SLC9A2: variants seen among roughly 807,000 people sequenced by gnomAD.
The protein encoded by SLC9A2 is solute carrier family 9 member A2.
Under a neutral mutation model 71.7 loss-of-function variants are expected in SLC9A2, and 42 were observed. The observed-to-expected ratio is 0.59, with a 90% confidence interval of 0.46 to 0.76. The LOEUF (loss-of-function observed/expected upper bound fraction) is 0.76. SLC9A2 is among the 30% of genes least tolerant of loss of function. The pLI is 0.00. For missense variants in SLC9A2, 829 were observed against 1,017.4 expected, an observed-to-expected ratio of 0.81 and a Z score of 2.52; for synonymous variants, 396 against 392.5, an observed-to-expected ratio of 1.01 and a Z score of -0.10.
Position 102,694,503 on chromosome 2 carries a change from G to A in SLC9A2, c.1515G>A (p.Arg505=). The A allele has an allele frequency of 1.3e-6, 2 of 1,499,088 alleles. No individual in the cohort carries two copies. The highest frequency in any genetic ancestry group is 1.8e-6 in the Non-Finnish European group (2 of 1,096,576). The allele number at this position is 1,499,088 out of a possible 1,614,324, so 92.9% of individuals were successfully genotyped here. The part of the protein sequence containing the change: ...QQAVSEEIYC[R]LFDHVKTGIE... ...CTGTCAGTGAAGAAATCTATTGTCG[G>A]GTAGGTGTTAAGAGAGTGTAATAAT... Residue 505 remains arginine, a splice_region_variant and synonymous_variant, in exon 6 of 12, where the codon CGG becomes CGA. Transcript: ENST00000233969.
At chr2:102,694,713 A>G (rs1469427567) in intron 6 of SLC9A2, among the ~76,000 whole-genome samples, 1 of 152,190 alleles carries the variant, frequency 6.6e-6, no homozygotes, top group Non-Finnish European at 1.5e-5. Flanking sequence ...AAACTCCTGC[A>G]TGAGTAGAGA....
chr2:102,670,020 A>T lies in SLC9A2; in HGVS notation c.1004+4670A>T, dbSNP rs201670949. 3.3e-5 allele frequency among the ~76,000 whole-genome samples: 4 copies of T among 122,406 alleles called. No individual in the cohort carries two copies. In the South Asian group the frequency reaches 1.2e-3, roughly 36 times the overall value. The allele number at this position is 122,406 out of a possible 152,430, so 80.3% of individuals were successfully genotyped here. On this transcript the variant is annotated intron_variant, in intron 3 of 11. Transcript: ENST00000233969. ...AGAGTAAGTGCCCAATATTTTTTTT[A>T]TTTTTTTATTTTTATTTTTTATTTT...
intron 1 of SLC9A2, among the ~76,000 whole-genome samples, chr2:102,624,056 A>T (rs1417917571): frequency 2.0e-5 from 3 of 152,162 alleles, no homozygotes; most frequent in Non-Finnish European, 4.4e-5. Context: ...GAAAATCAAC[A>T]TCCTAATTAC....
In SLC9A2 at chr2:102,710,835, C is replaced by T. The variant is rs771275587; in HGVS notation, c.*2346C>T. On this transcript the variant is annotated 3_prime_UTR_variant, in exon 12 of 12. Coordinates refer to ENST00000233969, the MANE Select transcript of SLC9A2 (RefSeq NM_003048.6). The stretch of plus-strand genomic sequence containing the variant: ...TTCGTTCGTCCAAACAACACTTGAT[C>T]CAACCAAAGTTCCAATGTGACTGTG... 1.3e-5 allele frequency: 2 copies of T among 152,312 alleles called. No homozygotes were observed. Among genetic ancestry groups the T allele is most frequent in the Non-Finnish European group, 2.9e-5 (2 of 68,040 alleles). 9.4% of individuals were successfully genotyped at this position (152,312 alleles called of 1,614,324 possible).
At chr2:102,668,201 C>T (rs1363501867) in intron 3 of SLC9A2, among the ~76,000 whole-genome samples, 4 of 152,136 alleles carry the variant, frequency 2.6e-5, no homozygotes, top group African/African-American at 9.7e-5. Flanking sequence ...ACCATGTGCA[C>T]CCATTATTCT....
chr2:102,688,768 G>A (rs1364285996), intron 5 of SLC9A2, among the ~76,000 whole-genome samples: 3 of 151,976 alleles, frequency 2.0e-5, no homozygotes, highest in Admixed American at 6.6e-5. Context: ...AACTTGTAAC[G>A]AAAGAAAGAA....
At chr2:102,627,818 C>T (rs1056175646) in intron 1 of SLC9A2, among the ~76,000 whole-genome samples, 1 of 152,040 alleles carries the variant, frequency 6.6e-6, no homozygotes, top group Non-Finnish European at 1.5e-5. Flanking sequence ...TACTTATGTT[C>T]TGTTAATATT....
At chr2:102,671,667 C>T (rs1213137806) in intron 3 of SLC9A2, among the ~76,000 whole-genome samples, 1 of 152,006 alleles carries the variant, frequency 6.6e-6, no homozygotes, top group Non-Finnish European at 1.5e-5. Context: ...ATAGATGGAC[C>T]CCAGCATTTG....
intron 3 of SLC9A2, among the ~76,000 whole-genome samples, chr2:102,679,621 G>A (rs778251271): frequency 2.2e-4 from 34 of 152,052 alleles, no homozygotes; most frequent in Non-Finnish European, 4.4e-4. Flanking sequence ...CTCGTGATCC[G>A]CCCACCTCGG....
At chr2:102,660,212 G>A (rs1304518986) in intron 2 of SLC9A2, among the ~76,000 whole-genome samples, 1 of 152,188 alleles carries the variant, frequency 6.6e-6, no homozygotes, top group Non-Finnish European at 1.5e-5. Context: ...GGCTGACCCA[G>A]GGAAGGCAGG....
chr2:102,619,783 G>T lies in SLC9A2; in HGVS notation c.-66G>T. On this transcript the variant is annotated 5_prime_UTR_variant, in exon 1 of 12. Coordinates refer to ENST00000233969, the MANE Select transcript of SLC9A2 (RefSeq NM_003048.6). The surrounding 1 kb of genome is among the most constrained non-coding windows in gnomAD (Gnocchi z 4.3). ...CAGGGCGGAGCGGGCTGAGCAGCCC[G>T]GGCGCGATGCGTTGAGCGCTCGGAG... 1 of 1,396,166 alleles carries T rather than the reference G, an allele frequency of 7.2e-7. No individual in the cohort carries two copies. Among genetic ancestry groups the T allele is most frequent in the Non-Finnish European group, 9.4e-7 (1 of 1,062,866 alleles). 86.5% of individuals were successfully genotyped at this position (1,396,166 alleles called of 1,614,324 possible). A position where few individuals can be genotyped will look rare whatever the true frequency, so the allele number is the denominator to read the frequency against.
intron 5 of SLC9A2, among the ~76,000 whole-genome samples, chr2:102,692,103 G>A (rs988662221): frequency 3.7e-4 from 56 of 152,274 alleles, no homozygotes; most frequent in East Asian, 7.7e-4. Flanking sequence ...GTTTACACCC[G>A]TTTCATTTAC....
chr2:102,689,047 C>A (rs1318188639), intron 5 of SLC9A2, among the ~76,000 whole-genome samples: 2 of 152,182 alleles, frequency 1.3e-5, no homozygotes, highest in African/African-American at 4.8e-5. Flanking sequence ...TGTAAGCTAA[C>A]AAGTTCGCCT....
chr2:102,703,921 G>A (rs973989089), intron 9 of SLC9A2, among the ~76,000 whole-genome samples: 2 of 152,180 alleles, frequency 1.3e-5, no homozygotes, highest in African/African-American at 4.8e-5. Flanking sequence ...GGAATGTGCT[G>A]AAGTTAATCA....
At chr2:102,647,075 C>T (rs1446641648) in intron 1 of SLC9A2, among the ~76,000 whole-genome samples, 4 of 152,112 alleles carry the variant, frequency 2.6e-5, no homozygotes, top group African/African-American at 9.7e-5. Flanking sequence ...AAACACTCCT[C>T]AGCAAATGCA....
At chr2:102,632,773 T>C (rs1370261079) in intron 1 of SLC9A2, among the ~76,000 whole-genome samples, 1 of 152,152 alleles carries the variant, frequency 6.6e-6, no homozygotes, top group African/African-American at 2.4e-5. Context: ...TCACAATACA[T>C]TTAGAAATTT....
chr2:102,682,564 C>T (rs1277118971), intron 3 of SLC9A2, among the ~76,000 whole-genome samples: 1 of 152,094 alleles, frequency 6.6e-6, no homozygotes. Context: ...ACTCTGTGGT[C>T]CCAAAGTTTT....
rs545068390 is a variant in SLC9A2 at position 102,629,666 on chromosome 2, C to A, written c.289+9529C>A. 1.2e-3 allele frequency among the ~76,000 whole-genome samples: 184 copies of A among 152,110 alleles called. 3 individuals carry two copies. Among genetic ancestry groups the A allele is most frequent in the African/African-American group, 4.3e-3 (178 of 41,516 alleles). On this transcript the variant is annotated intron_variant, in intron 1 of 11. Coordinates refer to ENST00000233969, the MANE Select transcript of SLC9A2 (RefSeq NM_003048.6). ...TGCCATATTTTGGCTTGGTTGATTTCTCTTTCTTATTTGTTTTTCATACAT... is the reference window on the plus strand; with the variant it reads ...TGCCATATTTTGGCTTGGTTGATTTATCTTTCTTATTTGTTTTTCATACAT...
At chr2:102,674,457 C>T (rs1013656547) in intron 3 of SLC9A2, among the ~76,000 whole-genome samples, 3 of 152,180 alleles carry the variant, frequency 2.0e-5, no homozygotes, top group Non-Finnish European at 2.9e-5. Flanking sequence ...TAGCATTTCT[C>T]TTATGTACTC....
Sources: gnomAD v4.1 joint callset for allele counts (sites outside exome capture counted in the v4.1 genomes callset) on GRCh38, gnomAD v4.1.1 for gene constraint, Gnocchi (gnomAD v3.1) non-coding constraint, MANE v1.5 for transcripts, NCBI Gene and HGNC (gene_info 2026-07-23, HGNC 2026-07-21) for gene names.